Variants in PTPRR observed in about 807,000 individuals in gnomAD.
PTPRR encodes the protein receptor-type tyrosine-protein phosphatase R.
Under a neutral mutation model 77.2 loss-of-function variants are expected in PTPRR, and 38 were observed. That is an observed-to-expected ratio of 0.49 (90% CI 0.38 to 0.65). PTPRR has a LOEUF of 0.65. PTPRR is among the 30% of genes least tolerant of loss of function. PTPRR has a pLI of 0.00. For missense variants in PTPRR, 744 were observed against 799.2 expected, an observed-to-expected ratio of 0.93 and a Z score of 0.83; for synonymous variants, 299 against 283.1, an observed-to-expected ratio of 1.06 and a Z score of -0.57.
At chr12:70,728,861 T>C (rs1889550302) in intron 6 of PTPRR, among the ~76,000 whole-genome samples, 2 of 152,098 alleles carry the variant, frequency 1.3e-5, no homozygotes, top group Non-Finnish European at 2.9e-5. Context: ...TGAATATGGC[T>C]ATAGGAACCC....
intron 2 of PTPRR, among the ~76,000 whole-genome samples, chr12:70,821,739 A>G (rs1892018164): frequency 6.6e-6 from 1 of 151,776 alleles, no homozygotes; most frequent in African/African-American, 2.4e-5. Context: ...TCGGCTCACC[A>G]CTGCAAGCTC....
intron 1 of PTPRR, among the ~76,000 whole-genome samples, chr12:70,903,674 G>C (rs868823284): frequency 8.6e-5 from 13 of 151,696 alleles, no homozygotes; most frequent in Middle Eastern, 3.2e-3. Context: ...CTAAGGTTAG[G>C]CAAAGGTTCC....
chr12:70,878,560 C>T (rs1257143170), intron 2 of PTPRR, among the ~76,000 whole-genome samples: 1 of 152,220 alleles, frequency 6.6e-6, no homozygotes, highest in Non-Finnish European at 1.5e-5. Flanking sequence ...GATACCATCT[C>T]ACACCAGTTA....
intron 8 of PTPRR, among the ~76,000 whole-genome samples, chr12:70,688,262 G>C (rs1020432380): frequency 2.0e-5 from 3 of 152,106 alleles, no homozygotes; most frequent in Non-Finnish European, 4.4e-5. Flanking sequence ...CTTCTGCACA[G>C]CAAATCCACA....
intron 2 of PTPRR, among the ~76,000 whole-genome samples, chr12:70,785,552 G>T (rs934794520): frequency 1.3e-5 from 2 of 152,066 alleles, no homozygotes; most frequent in Non-Finnish European, 2.9e-5. Flanking sequence ...TTATGAAATG[G>T]TGAAGGTCTC....
intron 5 of PTPRR, among the ~76,000 whole-genome samples, chr12:70,748,272 A>T (rs758571693): frequency 6.6e-6 from 1 of 152,182 alleles, no homozygotes; most frequent in Non-Finnish European, 1.5e-5. Context: ...ACTTCCAGGT[A>T]TGTGATCATT....
At chr12:70,658,436 T>C (rs1886662011) in intron 12 of PTPRR, among the ~76,000 whole-genome samples, 1 of 152,200 alleles carries the variant, frequency 6.6e-6, no homozygotes, top group South Asian at 2.1e-4. Context: ...CTCTTTTAGC[T>C]GAAGTGTCCA....
intron 2 of PTPRR, among the ~76,000 whole-genome samples, chr12:70,782,743 G>C (rs113907250): frequency 6.6e-6 from 1 of 152,008 alleles, no homozygotes; most frequent in East Asian, 1.9e-4. Flanking sequence ...TGTAAATGAC[G>C]AGTTAATAGG....
chr12:70,867,038 C>T (rs1317635589), intron 2 of PTPRR, among the ~76,000 whole-genome samples: 1 of 151,334 alleles, frequency 6.6e-6, no homozygotes, highest in African/African-American at 2.4e-5. Context: ...TAGGACGTAT[C>T]TCAAAATAAT....
intron 4 of PTPRR, among the ~76,000 whole-genome samples, chr12:70,756,569 T>TCAAGC (rs1212551917): frequency 6.6e-6 from 1 of 152,154 alleles, no homozygotes; most frequent in African/African-American, 2.4e-5. Context: ...TGTTGTTGGG[T>TCAAGC]CAAGCCAATG....
At chr12:70,816,156 G>C (rs1165809550) in intron 2 of PTPRR, among the ~76,000 whole-genome samples, 1 of 152,040 alleles carries the variant, frequency 6.6e-6, no homozygotes, top group Non-Finnish European at 1.5e-5. Flanking sequence ...GTTTCCTGAA[G>C]TGTCTTATCT....
At chr12:70,651,536 A>G (rs1478908888) in intron 13 of PTPRR, among the ~76,000 whole-genome samples, 1 of 152,150 alleles carries the variant, frequency 6.6e-6, no homozygotes, top group East Asian at 1.9e-4. Context: ...CGTCACTCCA[A>G]CTATTCATAA....
At chr12:70,652,051 C>A (rs1886415506) in intron 13 of PTPRR, among the ~76,000 whole-genome samples, 1 of 152,172 alleles carries the variant, frequency 6.6e-6, no homozygotes, top group African/African-American at 2.4e-5. Flanking sequence ...ATTCTGGAAT[C>A]TCTGGACAGA....
Position 70,831,507 on chromosome 12 carries a change from A to G in PTPRR, c.357+61172T>C, listed in dbSNP as rs983842069. ...CAATCAGCCAGCAGGTGGAGAAGACATAATCAGAGAAAATCAGGGGTCCAA... is the reference window on the plus strand; with the variant it reads ...CAATCAGCCAGCAGGTGGAGAAGACGTAATCAGAGAAAATCAGGGGTCCAA... On this transcript the variant is annotated intron_variant, in intron 2 of 13. Transcript: ENST00000283228. Among the ~76,000 whole-genome samples, 3 of 152,228 alleles carry G rather than the reference A, an allele frequency of 2.0e-5. No homozygotes were observed. The South Asian group carries it at 6.2e-4, about 31-fold the overall frequency.
At chr12:70,719,055 C>G (rs538786807) in intron 6 of PTPRR, among the ~76,000 whole-genome samples, 1 of 151,918 alleles carries the variant, frequency 6.6e-6, no homozygotes, top group Admixed American at 6.6e-5. Context: ...TACTCCTGAC[C>G]GGTTCCTGGA....
intron 10 of PTPRR, among the ~76,000 whole-genome samples, chr12:70,678,922 T>C (rs1354942966): frequency 6.6e-6 from 1 of 152,186 alleles, no homozygotes; most frequent in Non-Finnish European, 1.5e-5. Context: ...CCTCAAGTGA[T>C]CTGCCTGCCT....
chr12:70,910,473 T>C (rs1893684362), intron 1 of PTPRR, among the ~76,000 whole-genome samples: 1 of 152,200 alleles, frequency 6.6e-6, no homozygotes, highest in African/African-American at 2.4e-5. Context: ...CAAAGGGATT[T>C]AGGAAATACT....
At chr12:70,808,706 C>A (rs891907651) in intron 2 of PTPRR, among the ~76,000 whole-genome samples, 4 of 152,166 alleles carry the variant, frequency 2.6e-5, no homozygotes, top group African/African-American at 7.2e-5. Flanking sequence ...GAGCACATAA[C>A]TTCCTTATAA....
chr12:70,858,636 A>G (rs1372552828), intron 2 of PTPRR, among the ~76,000 whole-genome samples: 2 of 151,980 alleles, frequency 1.3e-5, no homozygotes, highest in Non-Finnish European at 2.9e-5. Context: ...CCCATGATCT[A>G]TTATTCTATT....
Sources: gnomAD v4.1 joint callset for allele counts (sites outside exome capture counted in the v4.1 genomes callset) on GRCh38, gnomAD v4.1.1 for gene constraint, MANE v1.5 for transcripts, NCBI Gene and HGNC (gene_info 2026-07-23, HGNC 2026-07-21) for gene names.